The following PKD1L3 variants were observed in gnomAD, a reference collection of about 807,000 sequenced individuals.
The protein encoded by PKD1L3 is polycystin 1 like 3, transient receptor potential channel interacting, also known as polycystin-1-like protein 3.
A neutral mutation model predicts 184.1 loss-of-function variants in PKD1L3; 239 were observed. That is an observed-to-expected ratio of 1.30 (90% CI 1.17 to 1.45). The LOEUF (loss-of-function observed/expected upper bound fraction) is 1.45, where lower values mean the gene tolerates loss of function less well. PKD1L3 is among the 40% of genes most tolerant of loss of function. The pLI, the probability that PKD1L3 is intolerant of heterozygous loss-of-function variation, is 0.00. For synonymous variants in PKD1L3, 996 were observed against 778.8 expected (o/e 1.28, Z -4.64); for missense variants, 2,660 against 2,067.2 (o/e 1.29, Z -5.56).
At chr16:71,946,574 C>T (rs1324928816) in intron 22 of PKD1L3, among the ~76,000 whole-genome samples, 1 of 151,514 alleles carries the variant, frequency 6.6e-6, no homozygotes, top group African/African-American at 2.4e-5. Context: ...TTAGCCTTAG[C>T]CAGTTAGAGG....
intron 28 of PKD1L3, 193 bp from the exon 29 acceptor site, chr16:71,930,376 G>A: frequency 2.1e-6 from 1 of 469,326 alleles, no homozygotes; most frequent in Middle Eastern, 5.8e-4. Context: ...CTCATTTTAA[G>A]GAGGTTAAGA....
Position 71,970,098 on chromosome 16 carries a change from G to A in PKD1L3, c.1961C>T (p.Pro654Leu), listed in dbSNP as rs2039655522. 6.4e-7 allele frequency: 1 copy of A among 1,551,192 alleles called. No homozygotes were observed. Among genetic ancestry groups the A allele is most frequent in the East Asian group, 2.4e-5 (1 of 40,910 alleles). The change falls in exon 13 of 30, where the codon CCA becomes CTA. Residue 654 changes from proline (P) to leucine (L), a missense_variant. Pro to Leu is a moderately conservative substitution (Grantham distance 98). Coordinates refer to ENST00000620267, the MANE Select transcript of PKD1L3 (RefSeq NM_181536.2). ...CTGTGTCCTCAGAATTGTGCTCTGT[G>A]GCCCAACCTGGAATTAGAATCAAGA... Reference protein sequence around the residue: ...TWSSAGCQVGPQSTILRTQCL... With the variant: ...TWSSAGCQVGLQSTILRTQCL...
At chr16:71,964,647 G>A (rs1228460849) in intron 15 of PKD1L3, among the ~76,000 whole-genome samples, 2 of 151,476 alleles carry the variant, frequency 1.3e-5, no homozygotes, top group Non-Finnish European at 1.5e-5. Flanking sequence ...CCAATTCAAT[G>A]TATTTTGACA....
At chr16:71,929,927 G>C (rs1382930549) in intron 29 of PKD1L3, 125 bp downstream of exon 29, 10 of 1,227,128 alleles carry the variant, frequency 8.1e-6, no homozygotes, top group Admixed American at 2.9e-5. Context: ...CAGAGCTTTT[G>C]AAACTAATAA....
intron 13 of PKD1L3, among the ~76,000 whole-genome samples, chr16:71,968,963 C>G (rs1252335754): frequency 5.5e-5 from 8 of 146,680 alleles, no homozygotes; most frequent in Admixed American, 4.1e-4. Context: ...CTCACTCTGT[C>G]GGCCAGGCTG....
Position 71,935,476 on chromosome 16 carries a change from T to A in PKD1L3, c.4495A>T (p.Lys1499Ter). Residue 1499 changes from lysine to a stop codon, truncating the protein, a stop_gained, in exon 26 of 30, where the codon AAA becomes TAA. Coordinates refer to ENST00000620267, the MANE Select transcript of PKD1L3 (RefSeq NM_181536.2). LOFTEE classifies it high-confidence loss of function. Reference protein sequence around the residue: ...KQQKWRFFTGKRNILDTSIIL... With the variant: ...KQQKWRFFTG ...ATACTTGTGTCCAGAATGTTTCTTT[T>A]CCCAGTGAAGAACCTCCACTTCTGC... 1 of 1,552,206 alleles carries A rather than the reference T, an allele frequency of 6.4e-7. No individual in the cohort carries two copies. The highest frequency in any genetic ancestry group is 8.7e-7 in the Non-Finnish European group (1 of 1,147,072).
chr16:71,971,089 G>A (rs554904711), intron 12 of PKD1L3, among the ~76,000 whole-genome samples: 4 of 152,154 alleles, frequency 2.6e-5, no homozygotes, highest in East Asian at 1.9e-4. Context: ...ATAAATATTC[G>A]GTGAAAGAAT....
At chr16:71,989,808 C>CT (rs1166270313) in intron 4 of PKD1L3, among the ~76,000 whole-genome samples, 1 of 152,164 alleles carries the variant, frequency 6.6e-6, no homozygotes, top group East Asian at 1.9e-4. Flanking sequence ...GAGGTGGTGG[C>CT]TCACACGTGT....
chr16:71,944,076 T>C lies in PKD1L3; in HGVS notation c.3813A>G (p.Arg1271=). 1 of 1,552,234 alleles carries C rather than the reference T, an allele frequency of 6.4e-7. No homozygotes were observed. Among genetic ancestry groups the C allele is most frequent in the Non-Finnish European group, 8.7e-7 (1 of 1,147,096 alleles). The change falls in exon 23 of 30, where the codon AGA becomes AGG. Residue 1271 remains arginine, a synonymous_variant. Transcript: ENST00000620267. The part of the protein sequence containing the change: ...AINSPTKHPE[R]TLKKKKLFKL... ...TGAAGAGTTTCTTCTTTTTCAAGGT[T>C]CTTTCTGGGTGCTTAGTTGGACTAT...
rs2038778146 is a variant in PKD1L3 at position 71,950,213 on chromosome 16, G to T, written c.3288C>A (p.His1096Gln). 1 of 1,552,214 alleles carries T rather than the reference G, an allele frequency of 6.4e-7. No homozygotes were observed. The change falls in exon 20 of 30, where the codon CAC (histidine) becomes CAA (glutamine). Residue 1096 changes from histidine to glutamine, a missense_variant. By Grantham distance (24) the His-to-Gln change is conservative. Transcript: ENST00000620267. ...HLGTLGLTQG[H>Q]QSCDFLDAAS... ...CTGCATCTAGGAAGTCACAGGACTG[G>T]TGACCCTGGGTGAGACCCAGCGTGC...
chr16:71,937,127 C>T lies in PKD1L3; in HGVS notation c.4452+165G>A, dbSNP rs542356421. 4.6e-5 allele frequency among the ~76,000 whole-genome samples: 7 copies of T among 152,272 alleles called. No homozygotes were observed. In the East Asian group the frequency reaches 9.7e-4, roughly 21 times the overall value. Reference sequence around the variant, plus strand: ...CTGAAGTGCAGTGGCGTGATCTTAGCTCACTGCAACCTCTGCCTCCCAGGC... The same window carrying T: ...CTGAAGTGCAGTGGCGTGATCTTAGTTCACTGCAACCTCTGCCTCCCAGGC... On this transcript the variant is annotated intron_variant, in intron 25 of 29. Coordinates refer to ENST00000620267, the MANE Select transcript of PKD1L3 (RefSeq NM_181536.2).
Position 71,984,122 on chromosome 16 carries a change from A to G in PKD1L3, c.880T>C (p.Leu294=), listed in dbSNP as rs530950582. The change falls in exon 6 of 30, where the codon TTG becomes CTG. Residue 294 remains leucine, a synonymous_variant. Transcript: ENST00000620267. ...TCCTGTAGTTTGTTAAGAGCTTGCA[A>G]ACCATGAACTGCTCTGCTGAAGTTC... The part of the protein sequence containing the change: ...AGNFSRAVHG[L]QALNKLQEAC... The G allele has an allele frequency of 2.1e-4, 328 of 1,552,050 alleles. 2 individuals are homozygous for G. In the South Asian group the frequency reaches 3.7e-3, roughly 18 times the overall value.
chr16:71,990,589 C>A (rs1320435513), intron 3 of PKD1L3, among the ~76,000 whole-genome samples: 1 of 151,988 alleles, frequency 6.6e-6, no homozygotes. Context: ...TAATAATTAG[C>A]CGGGCGTGGT....
At chr16:71,933,214 G>A (rs912828297) in intron 28 of PKD1L3, among the ~76,000 whole-genome samples, 2 of 152,114 alleles carry the variant, frequency 1.3e-5, no homozygotes, top group African/African-American at 2.4e-5. Flanking sequence ...GGGACTGAGT[G>A]CTTAGGAAAG....
intron 15 of PKD1L3, among the ~76,000 whole-genome samples, chr16:71,965,726 G>C (rs1010590313): frequency 5.9e-5 from 9 of 151,940 alleles, no homozygotes; most frequent in Admixed American, 2.6e-4. Flanking sequence ...GCTAATTTTT[G>C]TATTTTTAGT....
intron 13 of PKD1L3, among the ~76,000 whole-genome samples, chr16:71,969,055 CG>C (rs2039610024): frequency 6.6e-6 from 1 of 151,846 alleles, no homozygotes; most frequent in Non-Finnish European, 1.5e-5. Context: ...CTCAGCCTCC[CG>C]AGCAGCTGGG....
At chr16:71,991,860 A>C (rs4788595) in intron 3 of PKD1L3, among the ~76,000 whole-genome samples, 117,671 of 152,224 alleles carry the variant, frequency 0.77, 45,745 homozygotes, top group South Asian at 0.86. Context: ...TTTTAAAAGG[A>C]TGCCTGGAGT....
Position 71,980,077 on chromosome 16 carries a change from G to T in PKD1L3, c.1201C>A (p.Leu401Ile), listed in dbSNP as rs1171416805. 6.4e-7 allele frequency: 1 copy of T among 1,551,804 alleles called. No individual in the cohort carries two copies. Among genetic ancestry groups the T allele is most frequent in the Non-Finnish European group, 8.7e-7 (1 of 1,147,014 alleles). The change falls in exon 8 of 30, where the codon CTA becomes ATA. Residue 401 changes from leucine to isoleucine, a missense_variant. Coordinates refer to ENST00000620267, the MANE Select transcript of PKD1L3 (RefSeq NM_181536.2). The part of the protein sequence containing the change: ...VEFGNIGEAF[L>I]EQNQSPESSV... ...GACTCGGGAGACTGGTTCTGCTCTA[G>T]AAATGCTTCCCCGATATTCCCAAAC... is the stretch of plus-strand genomic sequence containing the variant.
chr16:71,980,098 C>G lies in PKD1L3; in HGVS notation c.1180G>C (p.Gly394Arg). The change falls in exon 8 of 30, where the codon GGG becomes CGG. Residue 394 changes from glycine (G) to arginine (R), a missense_variant. Physicochemically the swap from Gly to Arg is moderately radical, Grantham distance 125 (BLOSUM62 -2). Coordinates refer to ENST00000620267, the MANE Select transcript of PKD1L3 (RefSeq NM_181536.2). ...TCTAGAAATGCTTCCCCGATATTCC[C>G]AAACTCCACCAAGGACATTTCCAGG... ...DILEMSLVEF[G>R]NIGEAFLEQN... 2 of 1,551,694 alleles carry G rather than the reference C, an allele frequency of 1.3e-6. No homozygotes were observed. The highest frequency in any genetic ancestry group is 1.7e-6 in the Non-Finnish European group (2 of 1,146,972).
Sources: allele counts gnomAD v4.1 joint callset (sites outside exome capture counted in the v4.1 genomes callset), GRCh38; gene constraint gnomAD v4.1.1; transcripts MANE v1.5; gene names NCBI Gene and HGNC (gene_info 2026-07-23, HGNC 2026-07-21).